Variants in POLR2B observed in about 807,000 individuals in gnomAD.
The protein encoded by POLR2B is DNA-directed RNA polymerase II subunit RPB2.
POLR2B carries 57 observed loss-of-function variants against 144.6 expected under a neutral mutation model. The observed-to-expected ratio is 0.39, with a 90% CI of 0.32 to 0.49. The LOEUF (loss-of-function observed/expected upper bound fraction) is 0.49, where lower values mean the gene tolerates loss of function less well. Ranked by LOEUF, POLR2B falls within the 20% of genes least tolerant of loss-of-function variation. The pLI is 0.83. For synonymous variants in POLR2B, 442 were observed against 469.8 expected, an observed-to-expected ratio of 0.94 and a Z score of 0.77; for missense variants, 595 against 1,467.4, an observed-to-expected ratio of 0.41 and a Z score of 9.71.
intron 13 of POLR2B, among the ~76,000 whole-genome samples, chr4:57,011,314 G>A (rs1393563541): frequency 1.3e-5 from 2 of 152,216 alleles, no homozygotes; most frequent in Non-Finnish European, 1.5e-5. Context: ...GATCACCTGA[G>A]GTCAGGAGTT....
intron 24 of POLR2B, 85 bp downstream of exon 24, chr4:57,030,484 A>G: frequency 1.1e-6 from 1 of 936,472 alleles, no homozygotes; most frequent in South Asian, 1.8e-5. Context: ...AGTGTGGCAG[A>G]ACAGATTGGC....
Position 57,023,535 on chromosome 4 carries a change from T to G in POLR2B, c.2721T>G (p.Val907=). Reference sequence around the variant, plus strand: ...GCGAGACGGGCATTGTGGATCAGGTTATGGTAACTCTCAATCAGGAAGGAT... The same window carrying G: ...GCGAGACGGGCATTGTGGATCAGGTGATGGTAACTCTCAATCAGGAAGGAT... ...RTSETGIVDQ[V]MVTLNQEGYK... is the part of the protein sequence containing the mutation. The change falls in exon 19 of 25, where the codon GTT becomes GTG. Residue 907 remains valine, a synonymous_variant. Coordinates refer to ENST00000314595, the MANE Select transcript of POLR2B (RefSeq NM_000938.3). The surrounding 1 kb of genome is among the most constrained non-coding windows in gnomAD (Gnocchi z 4.3). The G allele has an allele frequency of 6.2e-7, 1 of 1,613,960 alleles. No individual in the cohort carries two copies. Among genetic ancestry groups the G allele is most frequent in the Non-Finnish European group, 8.5e-7 (1 of 1,179,828 alleles).
intron 13 of POLR2B, among the ~76,000 whole-genome samples, chr4:57,014,290 G>T (rs1286401425): frequency 6.6e-6 from 1 of 151,812 alleles, no homozygotes; most frequent in Admixed American, 6.6e-5. Flanking sequence ...TGCCTCCCGG[G>T]TTCAAGTGAT....
intron 23 of POLR2B, among the ~76,000 whole-genome samples, chr4:57,029,467 T>G (rs998175431): frequency 6.6e-6 from 1 of 151,780 alleles, no homozygotes; most frequent in Non-Finnish European, 1.5e-5. Context: ...ACCAATGATT[T>G]TTTTGTTTTG....
chr4:57,000,513 T>A (rs994156581), intron 7 of POLR2B, among the ~76,000 whole-genome samples: 1 of 152,318 alleles, frequency 6.6e-6, no homozygotes, highest in Admixed American at 6.5e-5. Flanking sequence ...TTTGTCACAT[T>A]TGCTTTATCA....
At position 56,996,276 on chromosome 4, in the gene POLR2B, A is replaced by T. The variant is rs74875922; in HGVS notation, c.735+867A>T. Among the ~76,000 whole-genome samples, 24 of 85,572 alleles carry T rather than the reference A, an allele frequency of 2.8e-4. No individual in the cohort carries two copies. In the South Asian group the frequency reaches 4.9e-3, roughly 17 times the overall value. 56.1% of individuals were successfully genotyped at this position (85,572 alleles called of 152,430 possible). Reference sequence around the variant, plus strand: ...TGTGTGTGTGTGTATATATATATATATATTTTTTTTTTTTTTTTTTTTTGA... The same window carrying T: ...TGTGTGTGTGTGTATATATATATATTTATTTTTTTTTTTTTTTTTTTTTGA... On this transcript the variant is annotated intron_variant, in intron 6 of 24. Transcript: ENST00000314595.
At chr4:56,984,866 AT>A (rs75634731) in intron 1 of POLR2B, among the ~76,000 whole-genome samples, 21,913 of 151,788 alleles carry the variant, frequency 0.14, 1,889 homozygotes, top group East Asian at 0.4. Context: ...GTGCACACTG[AT>A]TTTTTTTTGA....
chr4:57,002,791 T>C (rs1445144293), intron 7 of POLR2B: 2 of 151,906 alleles, frequency 1.3e-5, no homozygotes, highest in Non-Finnish European at 2.9e-5. Context: ...TTCCATATTT[T>C]TGTTTGACCC....
intron 13 of POLR2B, among the ~76,000 whole-genome samples, 200 bp from the exon 14 acceptor site, chr4:57,015,302 G>A (rs929039420): frequency 6.6e-6 from 1 of 152,126 alleles, no homozygotes; most frequent in Admixed American, 6.5e-5. Context: ...AATTGCCAAG[G>A]TTAGATTTTT....
At position 56,994,861 on chromosome 4, in the gene POLR2B, G is replaced by T; in HGVS notation, c.571G>T (p.Glu191Ter). Residue 191 changes from glutamate (E) to a stop codon, truncating the protein, a stop_gained, in exon 5 of 25, where the codon GAA becomes TAA. Transcript: ENST00000314595. LOFTEE classifies it high-confidence loss of function. ...TGGCTATTTCATTATTAATGGATCAGAAAAGGTATAGTAACATTATTTTAA... is the reference window on the plus strand; with the variant it reads ...TGGCTATTTCATTATTAATGGATCATAAAAGGTATAGTAACATTATTTTAA... ...PGGYFIINGS[E>*]KVLIAQEKMA... is the part of the protein sequence containing the mutation. 6.6e-7 allele frequency: 1 copy of T among 1,515,162 alleles called. No individual in the cohort carries two copies. 93.9% of individuals were successfully genotyped at this position (1,515,162 alleles called of 1,614,324 possible).
Position 56,999,743 on chromosome 4 carries a change from ATTAT to A in POLR2B, c.867_870del (p.Ile289MetfsTer8). 1 of 1,610,522 alleles carries A rather than the reference ATTAT, an allele frequency of 6.2e-7. No homozygotes were observed. The highest frequency in any genetic ancestry group is 8.5e-7 in the Non-Finnish European group (1 of 1,177,374). On this transcript the variant is annotated frameshift_variant, in exon 7 of 25. Coordinates refer to ENST00000314595, the MANE Select transcript of POLR2B (RefSeq NM_000938.3). LOFTEE classifies it high-confidence loss of function. ...GTCCGACAGAGATATTTTAGAACATATTATTTATGATTTTGAAGATCCAGAGATG... is the reference window on the plus strand; with the variant it reads ...GTCCGACAGAGATATTTTAGAACATATTATGATTTTGAAGATCCAGAGATG...
intron 6 of POLR2B, among the ~76,000 whole-genome samples, chr4:56,999,212 C>T (rs1398237116): frequency 1.6e-5 from 2 of 124,788 alleles, no homozygotes; most frequent in African/African-American, 3.1e-5. Context: ...TGTATTGTCT[C>T]TTTTTTTTTT....
At chr4:56,997,944 A>T (rs1019765439) in intron 6 of POLR2B, among the ~76,000 whole-genome samples, 1 of 152,188 alleles carries the variant, frequency 6.6e-6, no homozygotes, top group Non-Finnish European at 1.5e-5. Context: ...ATCGGCCTGG[A>T]TGACAGAGGG....
At chr4:56,992,649 T>C (rs1722557584) in intron 3 of POLR2B, among the ~76,000 whole-genome samples, 1 of 148,110 alleles carries the variant, frequency 6.8e-6, no homozygotes, top group South Asian at 2.2e-4. Context: ...AGGCTCCGCC[T>C]TCCGGGTTCA....
At chr4:57,004,502 G>A (rs1722959466) in intron 7 of POLR2B, among the ~76,000 whole-genome samples, 1 of 152,076 alleles carries the variant, frequency 6.6e-6, no homozygotes, top group Admixed American at 6.6e-5. Flanking sequence ...AAAATGCTAG[G>A]ATTATAGGAG....
At chr4:57,014,003 G>A (rs1723284507) in intron 13 of POLR2B, among the ~76,000 whole-genome samples, 1 of 150,828 alleles carries the variant, frequency 6.6e-6, no homozygotes, top group African/African-American at 2.4e-5. Flanking sequence ...TGTTAGGAAT[G>A]TTAGTTTTCT....
chr4:57,030,152 G>A (rs1211423574), intron 23 of POLR2B, 52 bp from the exon 24 acceptor site: 16 of 1,377,444 alleles, frequency 1.2e-5, no homozygotes, highest in Admixed American at 3.7e-5. Context: ...TATTCAAGGC[G>A]GTGTTTATAA....
intron 1 of POLR2B, among the ~76,000 whole-genome samples, chr4:56,983,196 C>T (rs1479460763): frequency 1.3e-5 from 2 of 152,178 alleles, no homozygotes; most frequent in Non-Finnish European, 2.9e-5. Flanking sequence ...ACAATCTGTG[C>T]TTCCGCTACA....
intron 17 of POLR2B, 150 bp downstream of exon 17, chr4:57,021,145 T>C (rs572910976): frequency 1.6e-6 from 1 of 624,784 alleles, no homozygotes; most frequent in African/African-American, 1.8e-5. Context: ...AGATACTACT[T>C]GTATCTCTCA....
Sources: gnomAD v4.1 joint callset for allele counts (sites outside exome capture counted in the v4.1 genomes callset) on GRCh38, gnomAD v4.1.1 for gene constraint, Gnocchi (gnomAD v3.1) non-coding constraint, MANE v1.5 for transcripts, NCBI Gene and HGNC (gene_info 2026-07-23, HGNC 2026-07-21) for gene names.